The following STK3 variants were observed in gnomAD, a reference collection of about 807,000 sequenced individuals.
The protein encoded by STK3 is serine/threonine-protein kinase 3.
A neutral mutation model predicts 58.0 loss-of-function variants in STK3; 41 were observed. The ratio of observed to expected loss-of-function variants is 0.71; its 90% confidence interval spans 0.55 to 0.92. The LOEUF is 0.92. STK3 is among the 40% of genes least tolerant of loss of function. The pLI is 0.00. For missense variants in STK3, 479 were observed against 602.7 expected (o/e 0.79, Z 2.15); for synonymous variants, 170 against 191.0 (o/e 0.89, Z 0.91).
At chr8:98,923,854 T>TGTGC (rs1491486943) in intron 1 of STK3, among the ~76,000 whole-genome samples, 1,927 of 113,542 alleles carry the variant, frequency 0.017, 20 homozygotes, top group African/African-American at 0.038. Flanking sequence ...TGTGTGTGTG[T>TGTGC]GCGCGCGCGC....
intron 6 of STK3, among the ~76,000 whole-genome samples, chr8:98,674,089 T>C (rs904834916): frequency 2.6e-5 from 4 of 152,148 alleles, no homozygotes; most frequent in African/African-American, 7.2e-5. Flanking sequence ...AGAAAATACA[T>C]ATGAAAAATG....
chr8:98,883,124 A>G (rs1451132720), downstream of STK3: 2 of 152,548 alleles, frequency 1.3e-5, no homozygotes, highest in Non-Finnish European at 2.9e-5. Context: ...AAGAGAAAAT[A>G]TTAAAAGAAA....
At position 98,457,093 on chromosome 8, in the gene STK3, G is replaced by C. The variant is rs531322020; in HGVS notation, c.1318-1093C>G. On this transcript the variant is annotated intron_variant, in intron 10 of 10. Transcript: ENST00000419617. Reference sequence around the variant, plus strand: ...TTTGAAGGTGAATGCCACTCACTTCGGTGCATAAGAAGTTCTGGTATGTAT... The same window carrying C: ...TTTGAAGGTGAATGCCACTCACTTCCGTGCATAAGAAGTTCTGGTATGTAT... 3.3e-5 allele frequency among the ~76,000 whole-genome samples: 5 copies of C among 152,272 alleles called. No homozygotes were observed. In the East Asian group the frequency reaches 7.7e-4, roughly 23 times the overall value.
chr8:98,812,157 T>C (rs377693763), intron 1 of STK3, among the ~76,000 whole-genome samples: 389 of 152,290 alleles, frequency 2.6e-3, no homozygotes, highest in Non-Finnish European at 4.5e-3. Context: ...AAGCTCAACA[T>C]TTTATAAATA....
chr8:98,718,704 T>C (rs1340382308), intron 4 of STK3, among the ~76,000 whole-genome samples: 1 of 152,130 alleles, frequency 6.6e-6, no homozygotes, highest in Non-Finnish European at 1.5e-5. Context: ...TGTTATGATA[T>C]TAATATATTA....
Position 98,864,975 on chromosome 8 carries a change from A to G in STK3, c.110+18672T>C, listed in dbSNP as rs554157952. 1.1e-4 allele frequency among the ~76,000 whole-genome samples: 17 copies of G among 152,346 alleles called. No homozygotes were observed. The East Asian group carries it at 3.3e-3, about 29-fold the overall frequency. ...AGGACATGGGCCAGAACTTGCACATATCACTTCAGCTCTCATCCCACTTTA... is the reference window on the plus strand; with the variant it reads ...AGGACATGGGCCAGAACTTGCACATGTCACTTCAGCTCTCATCCCACTTTA... On this transcript the variant is annotated intron_variant, in intron 3 of 12. Coordinates refer to the STK3 transcript ENST00000523601.
chr8:98,698,456 C>T (rs1249347703), intron 6 of STK3, among the ~76,000 whole-genome samples: 10 of 152,140 alleles, frequency 6.6e-5, no homozygotes, highest in African/African-American at 2.4e-4. Flanking sequence ...TTCTTCCTAG[C>T]CTCGATGGTC....
chr8:98,404,679 CAAAAAA>C (rs35146514), intron 3 of STK3, among the ~76,000 whole-genome samples: 12 of 95,312 alleles, frequency 1.3e-4, no homozygotes, highest in Non-Finnish European at 2.3e-4. Context: ...GTCTCTGTCT[CAAAAAA>C]AAAAAAAAAA....
In STK3 at chr8:98,726,048, G is replaced by A. The variant is rs181779571; in HGVS notation, c.352-18737C>T. 1.7e-4 allele frequency among the ~76,000 whole-genome samples: 26 copies of A among 152,254 alleles called. No homozygotes were observed. The East Asian group carries it at 2.9e-3, about 17-fold the overall frequency. On this transcript the variant is annotated intron_variant, in intron 4 of 10. Transcript: ENST00000419617. Reference sequence around the variant, plus strand: ...CACTCCAAATAACCACTGTTACAGCGTGCTATGGGGTCAGGCTTCTGACAG... The same window carrying A: ...CACTCCAAATAACCACTGTTACAGCATGCTATGGGGTCAGGCTTCTGACAG...
chr8:98,354,017 C>G, the STK3 span, among the ~76,000 whole-genome samples: 7 of 152,158 alleles, frequency 4.6e-5, no homozygotes, highest in Non-Finnish European at 7.4e-5. Context: ...TTGGGGCAGG[C>G]CTGAGCCTGT....
At chr8:98,903,744 G>A (rs1332929653) in intron 1 of STK3, among the ~76,000 whole-genome samples, 3 of 151,872 alleles carry the variant, frequency 2.0e-5, no homozygotes, top group African/African-American at 7.3e-5. Context: ...AACTAATGTT[G>A]CATTATAAAG....
intron 6 of STK3, among the ~76,000 whole-genome samples, chr8:98,682,795 CCAAAAATGTAAA>C (rs1823731661): frequency 6.6e-6 from 1 of 152,010 alleles, no homozygotes; most frequent in Non-Finnish European, 1.5e-5. Flanking sequence ...ACCATTTCCT[CCAAAAATGTAAA>C]TTTTTAAGTG....
intron 6 of STK3, among the ~76,000 whole-genome samples, chr8:98,699,732 C>A (rs564078705): frequency 6.6e-6 from 1 of 152,196 alleles, no homozygotes; most frequent in Non-Finnish European, 1.5e-5. Context: ...AGTTTTGTCT[C>A]AGAGGAGTAC....
In STK3 at chr8:98,409,127, T is replaced by C. The variant is rs548940834; in HGVS notation, n.484-7614A>G. The stretch of plus-strand genomic sequence containing the variant: ...TGCCCCAGTCCACTCAGTTGAAGCT[T>C]TCTCAGAATTCACTGCTGATGATGC... On this transcript the variant is annotated intron_variant and non_coding_transcript_variant, in intron 3 of 3. Transcript: ENST00000517832. 7.9e-5 allele frequency among the ~76,000 whole-genome samples: 12 copies of C among 152,310 alleles called. No individual in the cohort carries two copies. The East Asian group carries it at 2.3e-3, about 29-fold the overall frequency.
At position 98,654,944 on chromosome 8, in the gene STK3, A is replaced by G. The variant is rs149774246; in HGVS notation, c.684+51523T>C. ...TTATAGATTCAATGCCATCCCCATC[A>G]AGCTACCAGTGACTTTCTTCACAGA... On this transcript the variant is annotated intron_variant, in intron 6 of 10. Transcript: ENST00000419617. 3.7e-3 allele frequency among the ~76,000 whole-genome samples: 556 copies of G among 152,262 alleles called. 2 individuals carry two copies. The highest frequency in any genetic ancestry group is 5.5e-3 in the Non-Finnish European group (377 of 68,034).
intron 10 of STK3, among the ~76,000 whole-genome samples, chr8:98,489,405 A>G (rs1005016100): frequency 1.3e-5 from 2 of 152,174 alleles, no homozygotes; most frequent in Admixed American, 1.3e-4. Flanking sequence ...CCATGTTATA[A>G]ATACCTCTTC....
chr8:98,621,712 C>T (rs139158321), intron 6 of STK3, among the ~76,000 whole-genome samples: 179 of 152,120 alleles, frequency 1.2e-3, no homozygotes, highest in Admixed American at 2.6e-3. Flanking sequence ...ATGGTACTCT[C>T]CCCACCCAAC....
the STK3 span, among the ~76,000 whole-genome samples, chr8:98,360,962 C>T: frequency 6.6e-6 from 1 of 152,318 alleles, no homozygotes; most frequent in East Asian, 1.9e-4. Flanking sequence ...TCAGTTCACT[C>T]TCTTCAACCT....
chr8:98,887,176 G>T (rs148858515), intron 1 of STK3, among the ~76,000 whole-genome samples: 94 of 152,224 alleles, frequency 6.2e-4, no homozygotes, highest in African/African-American at 2.1e-3. Flanking sequence ...AGTTGTTATG[G>T]TGTCTTTTTT....
Sources: allele counts gnomAD v4.1 joint callset (sites outside exome capture counted in the v4.1 genomes callset), GRCh38; gene constraint gnomAD v4.1.1; transcripts MANE v1.5; gene names NCBI Gene and HGNC (gene_info 2026-07-23, HGNC 2026-07-21).